Variants in GABRB2 observed in about 807,000 individuals in gnomAD.
The protein encoded by GABRB2 is gamma-aminobutyric acid type A receptor subunit beta2.
In GABRB2, 16 loss-of-function variants were observed where a neutral mutation model predicts 54.7. The observed-to-expected ratio is 0.29, with a 90% CI of 0.20 to 0.44. GABRB2 has a LOEUF of 0.44. GABRB2 is among the 20% of genes least tolerant of loss of function. GABRB2 has a pLI of 1.00. For missense variants in GABRB2, 355 were observed against 644.0 expected (o/e 0.55, Z 4.86); for synonymous variants, 244 against 233.8 (o/e 1.04, Z -0.40).
chr5:161,455,174 C>A (rs1410324164), intron 4 of GABRB2, among the ~76,000 whole-genome samples: 3 of 152,138 alleles, frequency 2.0e-5, no homozygotes, highest in African/African-American at 7.2e-5. Context: ...CATGAGTAGA[C>A]TTAGAGCTCT....
intron 5 of GABRB2, among the ~76,000 whole-genome samples, chr5:161,362,696 C>G (rs567576154): frequency 6.6e-6 from 1 of 152,046 alleles, no homozygotes; most frequent in African/African-American, 2.4e-5. Context: ...AAAAAACAAC[C>G]CCATCAAAAG....
chr5:161,517,092 G>T (rs1371407782), intron 3 of GABRB2, among the ~76,000 whole-genome samples: 1 of 152,084 alleles, frequency 6.6e-6, no homozygotes, highest in Non-Finnish European at 1.5e-5. Flanking sequence ...TTGAATATAA[G>T]AATTACCAAG....
intron 9 of GABRB2, among the ~76,000 whole-genome samples, chr5:161,319,595 C>G (rs1758148684): frequency 6.6e-6 from 1 of 151,368 alleles, no homozygotes; most frequent in Non-Finnish European, 1.5e-5. Flanking sequence ...CTAATGTTCA[C>G]CAGTTAAGTG....
At chr5:161,472,381 C>T (rs920321635) in intron 3 of GABRB2, among the ~76,000 whole-genome samples, 5 of 151,620 alleles carry the variant, frequency 3.3e-5, no homozygotes, top group Admixed American at 6.6e-5. Context: ...GCCAACATTG[C>T]TTCTATTACC....
chr5:161,402,980 A>T (rs1756245177), intron 5 of GABRB2, among the ~76,000 whole-genome samples: 1 of 152,134 alleles, frequency 6.6e-6, no homozygotes, highest in African/African-American at 2.4e-5. Flanking sequence ...GCGATTTTAT[A>T]ATATGCAGCA....
chr5:161,519,297 C>T (rs906874892), intron 3 of GABRB2, among the ~76,000 whole-genome samples: 1 of 152,152 alleles, frequency 6.6e-6, no homozygotes, highest in Non-Finnish European at 1.5e-5. Context: ...AATTATCTTG[C>T]AATTGAAAAC....
intron 9 of GABRB2, among the ~76,000 whole-genome samples, chr5:161,324,494 C>T (rs1054009104): frequency 6.6e-6 from 1 of 152,030 alleles, no homozygotes; most frequent in Non-Finnish European, 1.5e-5. Context: ...TTGTATAAGA[C>T]AGAAATTAGT....
chr5:161,450,215 T>C (rs999766925), intron 4 of GABRB2, among the ~76,000 whole-genome samples: 6 of 152,200 alleles, frequency 3.9e-5, no homozygotes, highest in African/African-American at 1.4e-4. Flanking sequence ...GTTTCAGTGC[T>C]GCCACAGCGA....
intron 4 of GABRB2, among the ~76,000 whole-genome samples, chr5:161,457,620 T>A (rs1463689926): frequency 6.6e-6 from 1 of 152,010 alleles, no homozygotes; most frequent in African/African-American, 2.4e-5. Flanking sequence ...AAATTTTTTT[T>A]AATTTTTAGT....
At chr5:161,397,663 T>G (rs1206766429) in intron 5 of GABRB2, among the ~76,000 whole-genome samples, 1 of 152,208 alleles carries the variant, frequency 6.6e-6, no homozygotes, top group East Asian at 1.9e-4. Flanking sequence ...TAAACACTTC[T>G]CTTAATAACA....
chr5:161,309,177 C>T (rs186316292), intron 9 of GABRB2, among the ~76,000 whole-genome samples: 60 of 152,232 alleles, frequency 3.9e-4, no homozygotes, highest in African/African-American at 9.9e-4. Flanking sequence ...ATAAACAACT[C>T]TATCAAAAAG....
chr5:161,398,995 T>C (rs761450933), intron 5 of GABRB2, among the ~76,000 whole-genome samples: 11 of 152,288 alleles, frequency 7.2e-5, no homozygotes, highest in Middle Eastern at 3.4e-3. Context: ...ACCTGCCTTC[T>C]AGTTATAAGG....
At chr5:161,546,972 G>A, upstream of GABRB2, 1 of 266,208 alleles carries the variant, frequency 3.8e-6, no homozygotes, top group Non-Finnish European at 7.0e-6. Flanking sequence ...AGTTTCGGTA[G>A]TTGCAAGAGG....
intron 3 of GABRB2, among the ~76,000 whole-genome samples, chr5:161,531,724 T>C (rs1313379713): frequency 1.3e-5 from 2 of 151,686 alleles, no homozygotes; most frequent in East Asian, 3.9e-4. Context: ...ATTTTTTCTA[T>C]GAGAAATTAA....
At chr5:161,330,643 A>C in intron 8 of GABRB2, 1 of 515,888 alleles carries the variant, frequency 1.9e-6, no homozygotes, top group Non-Finnish European at 3.5e-6. Flanking sequence ...AGAAAGCATC[A>C]TAAAGGTCTT....
At chr5:161,304,083 A>G (rs907822963) in intron 9 of GABRB2, among the ~76,000 whole-genome samples, 5 of 152,302 alleles carry the variant, frequency 3.3e-5, no homozygotes, top group Middle Eastern at 3.4e-3. Context: ...CTGGGATCAC[A>G]CTTTCAAATA....
chr5:161,321,521 C>T (rs944302856), intron 9 of GABRB2, among the ~76,000 whole-genome samples: 4 of 152,010 alleles, frequency 2.6e-5, no homozygotes, highest in African/African-American at 9.7e-5. Flanking sequence ...GACATTTTAC[C>T]AGAGGCTAGA....
chr5:161,482,972 A>C (rs1758810070), intron 3 of GABRB2, among the ~76,000 whole-genome samples: 1 of 152,056 alleles, frequency 6.6e-6, no homozygotes, highest in African/African-American at 2.4e-5. Flanking sequence ...TTTTTCAAAA[A>C]ATATGTGTCA....
intron 5 of GABRB2, among the ~76,000 whole-genome samples, chr5:161,391,024 T>C (rs1755806238): frequency 6.6e-6 from 1 of 152,190 alleles, no homozygotes; most frequent in Non-Finnish European, 1.5e-5. Context: ...GAACACAACA[T>C]CTTTTATTAC....
Sources: allele counts gnomAD v4.1 joint callset (sites outside exome capture counted in the v4.1 genomes callset), GRCh38; gene constraint gnomAD v4.1.1; transcripts MANE v1.5; gene names NCBI Gene and HGNC (gene_info 2026-07-23, HGNC 2026-07-21).